Variants in PCDH15 observed in about 807,000 individuals in gnomAD.
The protein encoded by PCDH15 is protocadherin-15.
In PCDH15, 129 loss-of-function variants were observed where a neutral mutation model predicts 178.5. That is an observed-to-expected ratio of 0.72 (90% confidence interval 0.63 to 0.84). The LOEUF (loss-of-function observed/expected upper bound fraction) is 0.84, where lower values mean the gene tolerates loss of function less well. PCDH15 is among the 40% of genes least tolerant of loss of function. The pLI is 0.00. For synonymous variants in PCDH15, 800 were observed against 732.0 expected (o/e 1.09, Z -1.50); for missense variants, 2,230 against 2,099.9 (o/e 1.06, Z -1.21).
intron 1 of PCDH15, among the ~76,000 whole-genome samples, chr10:55,272,154 A>G (rs1330035724): frequency 6.6e-6 from 1 of 151,982 alleles, no homozygotes; most frequent in Admixed American, 6.5e-5. Flanking sequence ...CCAGAAGCTT[A>G]TGCCAATTAG....
chr10:54,743,672 T>C (rs1341875749), intron 1 of PCDH15, among the ~76,000 whole-genome samples: 1 of 152,006 alleles, frequency 6.6e-6, no homozygotes, highest in Non-Finnish European at 1.5e-5. Context: ...AATATATAGT[T>C]TCCAACATAA....
At chr10:54,273,839 G>T (rs1311301580) in intron 8 of PCDH15, among the ~76,000 whole-genome samples, 1 of 151,986 alleles carries the variant, frequency 6.6e-6, no homozygotes, top group Non-Finnish European at 1.5e-5. Context: ...ATTCCCTCTG[G>T]AACACCCTTT....
intron 2 of PCDH15, among the ~76,000 whole-genome samples, chr10:55,062,784 GTACCACTCTAGTGGAGGATATTGGTAA>G (rs1167857773): frequency 1.2e-4 from 19 of 152,114 alleles, no homozygotes; most frequent in African/African-American, 4.6e-4. Flanking sequence ...TGCAACATAT[GTACCACTCTAGTGGAGGATATTGGTAA>G]TAGTGGAGGT....
chr10:54,711,393 A>G (rs2095426807), intron 1 of PCDH15, among the ~76,000 whole-genome samples: 1 of 152,000 alleles, frequency 6.6e-6, no homozygotes, highest in Admixed American at 6.6e-5. Context: ...ACATGAACAT[A>G]CAACACTTGA....
rs1448575109 is a variant in PCDH15, at chr10:54,198,595, G to A, written c.1099-2706C>T. On this transcript the variant is annotated intron_variant, in intron 10 of 37. Coordinates refer to ENST00000644397, the MANE Select transcript of PCDH15 (RefSeq NM_001384140.1). The stretch of plus-strand genomic sequence containing the variant: ...CGGCTCACTGCAAGCTCCGCCTCCC[G>A]GGTTCACGCCATTCTCCTGCCTCAG... Among the ~76,000 whole-genome samples the A allele has an allele frequency of 8.9e-5, 7 of 78,608 alleles. 1 individual carries two copies. Among genetic ancestry groups the A allele is most frequent in the African/African-American group, 3.2e-4 (3 of 9,378 alleles). The allele number at this position is 78,608 out of a possible 152,430, so 51.6% of individuals were successfully genotyped here.
At chr10:53,892,137 G>C (rs2081611836) in intron 26 of PCDH15, among the ~76,000 whole-genome samples, 1 of 146,442 alleles carries the variant, frequency 6.8e-6, no homozygotes, top group Non-Finnish European at 1.5e-5. Flanking sequence ...CAATTCTCCT[G>C]CCTCAGCCTC....
intron 26 of PCDH15, among the ~76,000 whole-genome samples, chr10:53,888,967 A>T (rs1455716637): frequency 6.6e-6 from 1 of 151,178 alleles, no homozygotes; most frequent in African/African-American, 2.4e-5. Flanking sequence ...AGTAGAGTGG[A>T]GAAAAAAAAT....
chr10:53,938,919 T>C lies in PCDH15; in HGVS notation c.3269A>G (p.Tyr1090Cys), dbSNP rs1301979369. Reference sequence around the variant, plus strand: ...CTCATAATCCAGAGGTCCATTCACATAGATAACACCTGTGATGTTATTAAT... The same window carrying C: ...CTCATAATCCAGAGGTCCATTCACACAGATAACACCTGTGATGTTATTAAT... ...FGINNITGVIYVNGPLDYETR... is the reference protein window; with the variant it reads ...FGINNITGVICVNGPLDYETR... Residue 1090 changes from tyrosine to cysteine, a missense_variant, in exon 25 of 38, where the codon TAT becomes TGT. Coordinates refer to ENST00000644397, the MANE Select transcript of PCDH15 (RefSeq NM_001384140.1). 1 of 1,613,132 alleles carries C rather than the reference T, an allele frequency of 6.2e-7. No homozygotes were observed. Among genetic ancestry groups the C allele is most frequent in the Non-Finnish European group, 8.5e-7 (1 of 1,179,196 alleles).
intron 2 of PCDH15, among the ~76,000 whole-genome samples, chr10:55,516,068 G>A (rs991296017): frequency 6.6e-6 from 1 of 151,912 alleles, no homozygotes; most frequent in Non-Finnish European, 1.5e-5. Flanking sequence ...TGCATGCCTT[G>A]TTTTATGCAT....
intron 2 of PCDH15, among the ~76,000 whole-genome samples, chr10:55,344,187 C>T (rs1844679634): frequency 6.6e-6 from 1 of 152,106 alleles, no homozygotes. Context: ...AAGAAGTCCA[C>T]TGTGGCTGCA....
chr10:54,945,075 A>G (rs1359308222), intron 2 of PCDH15, among the ~76,000 whole-genome samples: 2 of 151,932 alleles, frequency 1.3e-5, no homozygotes, highest in Non-Finnish European at 2.9e-5. Context: ...TCCTTCTAAC[A>G]TATTTTGCAT....
intron 8 of PCDH15, among the ~76,000 whole-genome samples, chr10:54,293,893 T>C (rs529830721): frequency 6.6e-6 from 1 of 152,158 alleles, no homozygotes; most frequent in Non-Finnish European, 1.5e-5. Flanking sequence ...TTTCAACCAG[T>C]GTGGAAGACA....
At chr10:55,465,728 G>A (rs1198412895) in intron 2 of PCDH15, among the ~76,000 whole-genome samples, 1 of 152,084 alleles carries the variant, frequency 6.6e-6, no homozygotes, top group African/African-American at 2.4e-5. Context: ...AACATTCCTA[G>A]ATGTAGGTGG....
intron 15 of PCDH15, among the ~76,000 whole-genome samples, chr10:54,125,247 C>T (rs769536634): frequency 6.6e-6 from 1 of 151,888 alleles, no homozygotes; most frequent in South Asian, 2.1e-4. Flanking sequence ...TGTCTCTGAG[C>T]TGTTATACCT....
At chr10:54,231,770 G>C (rs928932465) in intron 9 of PCDH15, among the ~76,000 whole-genome samples, 3 of 152,220 alleles carry the variant, frequency 2.0e-5, no homozygotes, top group Non-Finnish European at 2.9e-5. Flanking sequence ...TTATTTTGGA[G>C]ATTTAAGATT....
At chr10:54,804,650 C>T (rs2133720862), upstream of PCDH15, among the ~76,000 whole-genome samples, 1 of 151,730 alleles carries the variant, frequency 6.6e-6, no homozygotes, top group East Asian at 1.9e-4. Flanking sequence ...AAATCTTCAT[C>T]TAATTGTATT....
chr10:54,997,201 A>C (rs999215743), intron 2 of PCDH15, among the ~76,000 whole-genome samples: 37 of 152,162 alleles, frequency 2.4e-4, no homozygotes, highest in African/African-American at 8.9e-4. Flanking sequence ...GGGGCAAACA[A>C]AGTTTACCCA....
intron 8 of PCDH15, among the ~76,000 whole-genome samples, chr10:54,313,110 AAG>A (rs2061007635): frequency 6.6e-6 from 1 of 152,098 alleles, no homozygotes; most frequent in African/African-American, 2.4e-5. Flanking sequence ...AAGAAAATAA[AAG>A]AGTAATTGTT....
chr10:55,300,483 C>G (rs1843245421), intron 1 of PCDH15, among the ~76,000 whole-genome samples: 2 of 152,144 alleles, frequency 1.3e-5, no homozygotes, highest in Admixed American at 1.3e-4. Context: ...ATATACCTCT[C>G]TACATGTCAC....
Sources: allele counts gnomAD v4.1 joint callset (sites outside exome capture counted in the v4.1 genomes callset), GRCh38; gene constraint gnomAD v4.1.1; transcripts MANE v1.5; gene names NCBI Gene and HGNC (gene_info 2026-07-23, HGNC 2026-07-21).